The following LNX1 variants were observed in gnomAD, a reference collection of about 807,000 sequenced individuals.
The protein encoded by LNX1 is E3 ubiquitin-protein ligase LNX.
LNX1 carries 54 observed loss-of-function variants against 68.4 expected under a neutral mutation model. The ratio of observed to expected loss-of-function variants is 0.79; its 90% CI spans 0.63 to 0.99. The LOEUF (loss-of-function observed/expected upper bound fraction) is 0.99, where lower values mean the gene tolerates loss of function less well. LNX1 is among the 50% of genes least tolerant of loss of function. The pLI, the probability that LNX1 is intolerant of heterozygous loss-of-function variation, is 0.00. For missense variants in LNX1, 906 were observed against 926.4 expected (o/e 0.98, Z 0.29); for synonymous variants, 336 against 350.0 (o/e 0.96, Z 0.45).
intron 4 of LNX1, among the ~76,000 whole-genome samples, chr4:53,506,749 G>A (rs1725899952): frequency 1.3e-5 from 2 of 150,656 alleles, no homozygotes; most frequent in East Asian, 1.9e-4. Context: ...CCACCTACTT[G>A]GGAGGCTGAG....
chr4:53,521,899 A>G (rs1262603617), intron 2 of LNX1, among the ~76,000 whole-genome samples: 1 of 152,144 alleles, frequency 6.6e-6, no homozygotes, highest in African/African-American at 2.4e-5. Context: ...TCCTGGGCTC[A>G]AGGGATCCTC....
At chr4:53,576,424 G>A (rs1731492893) in intron 1 of LNX1, 2 of 1,469,758 alleles carry the variant, frequency 1.4e-6, no homozygotes, top group Non-Finnish European at 1.8e-6. Flanking sequence ...GTCAGGCTTG[G>A]ACAGGCACCT....
chr4:53,528,490 C>T (rs60609514), intron 2 of LNX1, among the ~76,000 whole-genome samples: 20,548 of 152,130 alleles, frequency 0.14, 1,536 homozygotes, highest in East Asian at 0.27. Flanking sequence ...AGATAGACCA[C>T]GTATGCACAA....
In LNX1 at chr4:53,571,312, C is replaced by A. The variant is rs138735021; in HGVS notation, c.380+2311G>T. On this transcript the variant is annotated intron_variant, in intron 2 of 10. Transcript: ENST00000263925. ...GGGATTACAGGTGTGAGCCTCCATG[C>A]CCCGCGTAAATTAAGAATCTTGAGA... Among the ~76,000 whole-genome samples, 437 of 151,220 alleles carry A rather than the reference C, an allele frequency of 2.9e-3. 7 individuals carry two copies. Among genetic ancestry groups the A allele is most frequent in the African/African-American group, 0.01 (423 of 41,444 alleles).
rs779946904 is a variant in LNX1, at chr4:53,496,381, T to TC, written c.991dup (p.Asp331GlyfsTer28). ...GTAGTTGTGAGGGACATTGCTGATGTCCATCCCGTTGACCTGGGGGCAGGT... is the reference window on the plus strand; with the variant it reads ...GTAGTTGTGAGGGACATTGCTGATGTCCCATCCCGTTGACCTGGGGGCAGGT... On this transcript the variant is annotated frameshift_variant, in exon 6 of 11. Coordinates refer to ENST00000263925, the MANE Select transcript of LNX1 (RefSeq NM_001126328.3). LOFTEE classifies it high-confidence loss of function. The TC allele has an allele frequency of 6.2e-7, 1 of 1,606,854 alleles. No homozygotes were observed. Among genetic ancestry groups the TC allele is most frequent in the Non-Finnish European group, 8.5e-7 (1 of 1,174,994 alleles).
intron 2 of LNX1, among the ~76,000 whole-genome samples, chr4:53,532,169 T>G (rs758281430): frequency 8.5e-5 from 13 of 152,092 alleles, no homozygotes; most frequent in Non-Finnish European, 1.6e-4. Context: ...ATATATTGAG[T>G]GTTCCCTTCA....
chr4:53,611,218 A>G (rs1733481818), intron 2 of LNX1, among the ~76,000 whole-genome samples: 1 of 152,116 alleles, frequency 6.6e-6, no homozygotes, highest in African/African-American at 2.4e-5. Flanking sequence ...AAGAAAAGGA[A>G]TGAAAAAAAA....
intron 2 of LNX1, among the ~76,000 whole-genome samples, chr4:53,534,641 C>G (rs756008961): frequency 6.6e-6 from 1 of 152,120 alleles, no homozygotes; most frequent in Non-Finnish European, 1.5e-5. Flanking sequence ...CACCCTGTCT[C>G]TAAAAAAACA....
intron 2 of LNX1, among the ~76,000 whole-genome samples, chr4:53,511,457 T>C (rs761194906): frequency 6.6e-6 from 1 of 152,148 alleles, no homozygotes; most frequent in South Asian, 2.1e-4. Context: ...CAGATGGTGA[T>C]GGGTGATGGC....
At chr4:53,509,618 G>A (rs1320076354) in intron 2 of LNX1, among the ~76,000 whole-genome samples, 1 of 152,158 alleles carries the variant, frequency 6.6e-6, no homozygotes, top group Non-Finnish European at 1.5e-5. Context: ...CAGGGGTTTA[G>A]TACTTTTTGC....
At chr4:53,601,112 AGG>A (rs1017672293) in intron 2 of LNX1, among the ~76,000 whole-genome samples, 1 of 85,440 alleles carries the variant, frequency 1.2e-5, no homozygotes, top group African/African-American at 4.5e-5. Flanking sequence ...GGAGGGGGGG[AGG>A]GAAGGAAAAT....
chr4:53,644,425 CA>C (rs1734805273), intron 1 of LNX1, among the ~76,000 whole-genome samples: 2 of 152,056 alleles, frequency 1.3e-5, no homozygotes, highest in African/African-American at 4.8e-5. Flanking sequence ...CAAACAAAAA[CA>C]AAACAAACAA....
intron 4 of LNX1, among the ~76,000 whole-genome samples, chr4:53,505,294 A>G (rs1725798496): frequency 6.6e-6 from 1 of 150,690 alleles, no homozygotes; most frequent in African/African-American, 2.4e-5. Context: ...GGAGTCACCC[A>G]GGCTGGAGTG....
At chr4:53,556,596 T>C (rs1028384653) in intron 2 of LNX1, among the ~76,000 whole-genome samples, 44 of 152,234 alleles carry the variant, frequency 2.9e-4, no homozygotes, top group African/African-American at 1.0e-3. Context: ...TCTGTTTGTC[T>C]AGAAAAGCTT....
In LNX1 at chr4:53,613,968, A is replaced by G. The variant is rs141985449; in HGVS notation, c.-215+2549T>C. Among the ~76,000 whole-genome samples the G allele has an allele frequency of 1.9e-3, 243 of 126,302 alleles. 1 individual carries two copies. In the East Asian group the frequency reaches 0.029, roughly 15 times the overall value. 82.9% of individuals were successfully genotyped at this position (126,302 alleles called of 152,430 possible). On this transcript the variant is annotated intron_variant, in intron 2 of 3. Coordinates refer to the LNX1 transcript ENST00000504299. The stretch of plus-strand genomic sequence containing the variant: ...CCTTTTTCTCCACAACCTCACCAGC[A>G]TCTGTTATTTTTTGACGGCCCTTTT...
upstream of LNX1, among the ~76,000 whole-genome samples, chr4:53,621,095 C>G (rs764498362): frequency 6.6e-6 from 1 of 152,156 alleles, no homozygotes; most frequent in Admixed American, 6.5e-5. Flanking sequence ...GCACAGGGCA[C>G]GGTGACATCA....
intron 1 of LNX1, among the ~76,000 whole-genome samples, chr4:53,577,216 CA>C (rs1400759116): frequency 5.3e-5 from 8 of 152,130 alleles, no homozygotes; most frequent in Non-Finnish European, 1.2e-4. Context: ...ATGGGCCATG[CA>C]AAAGATTATC....
At chr4:53,592,046 C>A (rs1732533551), upstream of LNX1, among the ~76,000 whole-genome samples, 1 of 152,146 alleles carries the variant, frequency 6.6e-6, no homozygotes, top group East Asian at 1.9e-4. Flanking sequence ...GGATACCTGT[C>A]AGCAGTTTCA....
intron 9 of LNX1, among the ~76,000 whole-genome samples, chr4:53,463,241 A>G (rs1722327620): frequency 6.6e-6 from 1 of 152,024 alleles, no homozygotes; most frequent in Admixed American, 6.6e-5. Context: ...TAACCTCTTG[A>G]TACTGGAGAG....
Sources: allele counts gnomAD v4.1 joint callset (sites outside exome capture counted in the v4.1 genomes callset), GRCh38; gene constraint gnomAD v4.1.1; transcripts MANE v1.5; gene names NCBI Gene and HGNC (gene_info 2026-07-23, HGNC 2026-07-21).